IFNGR1: variants seen among roughly 807,000 people sequenced by gnomAD.
IFNGR1 encodes AVP, type 2.
Under a neutral mutation model 35.4 loss-of-function variants are expected in IFNGR1, and 23 were observed. That is an observed-to-expected ratio of 0.65 (90% confidence interval 0.47 to 0.92). The LOEUF (loss-of-function observed/expected upper bound fraction) is 0.92, where lower values mean the gene tolerates loss of function less well. IFNGR1 is among the 40% of genes least tolerant of loss of function. The pLI is 0.00. For missense variants in IFNGR1, 533 were observed against 583.4 expected, an observed-to-expected ratio of 0.91 and a Z score of 0.89; for synonymous variants, 199 against 209.5, an observed-to-expected ratio of 0.95 and a Z score of 0.43.
Position 137,203,563 on chromosome 6 carries a change from C to A in IFNGR1, c.669G>T (p.Val223=). Residue 223 remains valine, a synonymous_variant, in exon 5 of 7, where the codon GTG becomes GTT. Transcript: ENST00000367739. The part of the protein sequence containing the change: ...YCVSAEGVLH[V]WGVTTEKSKE... The stretch of plus-strand genomic sequence containing the variant: ...TTGACTTTTCAGTTGTAACACCCCA[C>A]ACATGTAAGACTCCTTCTGCTGAAA... 1 of 1,613,606 alleles carries A rather than the reference C, an allele frequency of 6.2e-7. No homozygotes were observed.
rs1161146883 is a variant in IFNGR1, at chr6:137,203,487, G to T, written c.733+12C>A. 3 of 1,441,804 alleles carry T rather than the reference G, an allele frequency of 2.1e-6. No homozygotes were observed. Among genetic ancestry groups the T allele is most frequent in the Non-Finnish European group, 2.9e-6 (3 of 1,023,190 alleles). 89.3% of individuals were successfully genotyped at this position (1,441,804 alleles called of 1,614,324 possible). A position where few individuals can be genotyped will look rare whatever the true frequency, so the allele number is the denominator to read the frequency against. On this transcript the variant is annotated intron_variant, in intron 5 of 6. Coordinates refer to ENST00000367739, the MANE Select transcript of IFNGR1 (RefSeq NM_000416.3). ...TCCCTCTATATTTAGAAAAAAAATG[G>T]CAAGAACTTACCTTTTATACTGCTA...
intron 3 of IFNGR1, 121 bp from the exon 4 acceptor site, chr6:137,204,625 G>GGACC: frequency 2.4e-6 from 2 of 837,840 alleles, no homozygotes; most frequent in Non-Finnish European, 4.0e-6. Flanking sequence ...TTCTAAAGCA[G>GGACC]GACCACATTT....
At chr6:137,208,785 C>T (rs961913929) in intron 1 of IFNGR1, among the ~76,000 whole-genome samples, 4 of 152,182 alleles carry the variant, frequency 2.6e-5, no homozygotes, top group Non-Finnish European at 4.4e-5. Context: ...AATGTGAGGT[C>T]GGAGCCCTCA....
rs1278918717 is a variant in IFNGR1 at position 137,219,269 on chromosome 6, C to T, written c.59G>A (p.Gly20Asp). 6.2e-7 allele frequency: 1 copy of T among 1,611,706 alleles called. No homozygotes were observed. The highest frequency in any genetic ancestry group is 8.5e-7 in the Non-Finnish European group (1 of 1,179,190). ...TGAGGACGGCCCCAGATCCGCGGTGCCCATCTCAGCCCTGCTCACACCCTG... is the reference window on the plus strand; with the variant it reads ...TGAGGACGGCCCCAGATCCGCGGTGTCCATCTCAGCCCTGCTCACACCCTG... ...VMQGVSRAEMGTADLGPSSVP... is the reference protein window; with the variant it reads ...VMQGVSRAEMDTADLGPSSVP... Residue 20 changes from glycine (G) to aspartate (D), a missense_variant, in exon 1 of 7, where the codon GGC becomes GAC. Coordinates refer to ENST00000367739, the MANE Select transcript of IFNGR1 (RefSeq NM_000416.3).
At chr6:137,205,300 C>G (rs1464172255) in intron 3 of IFNGR1, among the ~76,000 whole-genome samples, 2 of 152,092 alleles carry the variant, frequency 1.3e-5, no homozygotes, top group African/African-American at 4.8e-5. Flanking sequence ...GAAAGGGACC[C>G]AAGGGCTAGA....
intron 1 of IFNGR1, among the ~76,000 whole-genome samples, chr6:137,212,841 T>C (rs537618818): frequency 5.3e-5 from 8 of 152,334 alleles, no homozygotes; most frequent in South Asian, 2.1e-4. Flanking sequence ...ACTTAAATCA[T>C]AGCTTTCAAA....
At chr6:137,217,473 G>A (rs1044463720) in intron 1 of IFNGR1, among the ~76,000 whole-genome samples, 2 of 152,136 alleles carry the variant, frequency 1.3e-5, no homozygotes, top group African/African-American at 4.8e-5. Context: ...ATGCAAGCTG[G>A]CACCTGAACC....
chr6:137,218,148 G>C (rs1482569856), intron 1 of IFNGR1, among the ~76,000 whole-genome samples: 1 of 152,200 alleles, frequency 6.6e-6, no homozygotes, highest in African/African-American at 2.4e-5. Context: ...CTCTCTGCCA[G>C]TTGGGCAGGC....
chr6:137,199,342 T>C (rs911937044), intron 6 of IFNGR1, among the ~76,000 whole-genome samples: 2 of 131,208 alleles, frequency 1.5e-5, no homozygotes, highest in African/African-American at 5.7e-5. Flanking sequence ...ATATATAATA[T>C]ATAATTTATA....
At chr6:137,218,134 T>C (rs17175274) in intron 1 of IFNGR1, among the ~76,000 whole-genome samples, 2,123 of 152,320 alleles carry the variant, frequency 0.014, 55 homozygotes, top group African/African-American at 0.048. Context: ...TGAGTGGCTA[T>C]GACCTCTCTG....
chr6:137,208,419 C>T (rs1327578353), intron 1 of IFNGR1, among the ~76,000 whole-genome samples: 2 of 152,186 alleles, frequency 1.3e-5, no homozygotes, highest in Non-Finnish European at 2.9e-5. Flanking sequence ...TTCACGCCAG[C>T]GCTTCCCATC....
At chr6:137,198,718 G>T in intron 6 of IFNGR1, 79 bp from the exon 7 acceptor site, 1 of 1,099,274 alleles carries the variant, frequency 9.1e-7, no homozygotes, top group Non-Finnish European at 1.4e-6. Context: ...AAGGTCTGAA[G>T]TAATGGACCA....
rs1779382808 is a variant in IFNGR1, at chr6:137,204,522, G to A, written c.374-18C>T. ...AATTTTTCCTGGGGAAGGAGGAGGA[G>A]GAAGTATAATAAATACTGGCCTTGG... On this transcript the variant is annotated intron_variant, in intron 3 of 6. Coordinates refer to ENST00000367739, the MANE Select transcript of IFNGR1 (RefSeq NM_000416.3). The A allele has an allele frequency of 1.3e-6, 2 of 1,592,196 alleles. No individual in the cohort carries two copies. The highest frequency in any genetic ancestry group is 1.7e-6 in the Non-Finnish European group (2 of 1,160,160).
chr6:137,200,599 CG>C lies in IFNGR1; in HGVS notation c.861+281del, dbSNP rs1779253751. Among the ~76,000 whole-genome samples, 14 of 152,200 alleles carry C rather than the reference CG, an allele frequency of 9.2e-5. No homozygotes were observed. In the South Asian group the frequency reaches 2.7e-3, roughly 29 times the overall value. The stretch of plus-strand genomic sequence containing the variant: ...GGTATAAATCTTTGAATCTATCACA[CG>C]TTATATAGCCAATGTATATTTATCT... On this transcript the variant is annotated intron_variant, in intron 6 of 6. Transcript: ENST00000367739.
intron 1 of IFNGR1, chr6:137,218,438 C>T (rs1001415157): frequency 3.2e-6 from 4 of 1,240,600 alleles, no homozygotes; most frequent in African/African-American, 1.5e-5. Context: ...CAAACCCGTA[C>T]GAAGAGACCT....
intron 6 of IFNGR1, among the ~76,000 whole-genome samples, chr6:137,199,428 AATTT>A (rs1779190600): frequency 8.8e-6 from 1 of 113,334 alleles, no homozygotes; most frequent in African/African-American, 3.3e-5. Flanking sequence ...ATAAACATAT[AATTT>A]ATAATATAAT....
chr6:137,218,387 G>T, intron 1 of IFNGR1: 1 of 788,804 alleles, frequency 1.3e-6, no homozygotes, highest in Non-Finnish European at 1.9e-6. Flanking sequence ...TGTTTTCTAG[G>T]AAATGTCAAT....
chr6:137,202,675 A>G (rs921182090), intron 5 of IFNGR1, among the ~76,000 whole-genome samples: 3 of 152,012 alleles, frequency 2.0e-5, no homozygotes, highest in Admixed American at 2.0e-4. Context: ...GAGTTACAAT[A>G]TATGCTTAAA....
At chr6:137,200,004 A>G (rs1405455782) in intron 6 of IFNGR1, among the ~76,000 whole-genome samples, 2 of 152,036 alleles carry the variant, frequency 1.3e-5, no homozygotes, top group Non-Finnish European at 2.9e-5. Flanking sequence ...CCAGGGCTAG[A>G]TTACTTTTCA....
Sources: allele counts gnomAD v4.1 joint callset (sites outside exome capture counted in the v4.1 genomes callset), GRCh38; gene constraint gnomAD v4.1.1; transcripts MANE v1.5; gene names NCBI Gene and HGNC (gene_info 2026-07-23, HGNC 2026-07-21).